Variants in WNT3 observed in about 807,000 individuals in gnomAD.
The protein encoded by WNT3 is Wnt family member 3, also known as proto-oncogene Wnt-3.
In WNT3, 7 loss-of-function variants were observed where a neutral mutation model predicts 34.2. The observed-to-expected ratio is 0.20, with a 90% CI of 0.12 to 0.38. The LOEUF is 0.38. Among genes scored for constraint, WNT3 ranks in the 10% least tolerant of loss-of-function variants. The pLI, the probability that WNT3 is intolerant of heterozygous loss-of-function variation, is 1.00. For synonymous variants in WNT3, 212 were observed against 211.5 expected (o/e 1.00, Z -0.02); for missense variants, 267 against 499.8 (o/e 0.53, Z 4.44).
intron 1 of WNT3, among the ~76,000 whole-genome samples, chr17:46,811,326 A>G (rs2084272364): frequency 6.6e-6 from 1 of 152,178 alleles, no homozygotes; most frequent in South Asian, 2.1e-4. Flanking sequence ...GTATGGAAAC[A>G]GAATGGGGGC....
intron 4 of WNT3, among the ~76,000 whole-genome samples, chr17:46,765,474 A>G (rs2146365109): frequency 6.6e-6 from 1 of 152,378 alleles, no homozygotes; most frequent in South Asian, 2.1e-4. Flanking sequence ...CAAAGGAAGG[A>G]CACAAGCCAT....
intron 1 of WNT3, among the ~76,000 whole-genome samples, chr17:46,809,773 C>T (rs1357570991): frequency 3.9e-5 from 6 of 152,030 alleles, no homozygotes; most frequent in African/African-American, 1.4e-4. Flanking sequence ...GGGTATGCCC[C>T]GTGACCAGTT....
chr17:46,794,219 AG>A (rs2084024179), intron 1 of WNT3, among the ~76,000 whole-genome samples: 2 of 152,120 alleles, frequency 1.3e-5, no homozygotes, highest in African/African-American at 4.8e-5. Context: ...GAAAAGGAAG[AG>A]GATGGGCATT....
At chr17:46,803,681 C>G (rs1039571283) in intron 1 of WNT3, among the ~76,000 whole-genome samples, 4 of 152,240 alleles carry the variant, frequency 2.6e-5, no homozygotes, top group African/African-American at 7.2e-5. Flanking sequence ...CTGCCCATCC[C>G]TTCTGCATCC....
At chr17:46,796,214 G>A (rs8076929) in intron 1 of WNT3, among the ~76,000 whole-genome samples, 20,520 of 152,184 alleles carry the variant, frequency 0.13, 1,651 homozygotes, top group African/African-American at 0.22. Context: ...AAGAGGCTGC[G>A]GGGAGGAAGA....
chr17:46,816,178 AAC>A (rs1213638351), intron 1 of WNT3, among the ~76,000 whole-genome samples: 1 of 125,478 alleles, frequency 8.0e-6, no homozygotes, highest in Non-Finnish European at 1.7e-5. Context: ...CCCAGTCATG[AAC>A]ACAGTCAAGC....
intron 1 of WNT3, among the ~76,000 whole-genome samples, chr17:46,801,975 T>A (rs1431577658): frequency 6.6e-6 from 1 of 152,234 alleles, no homozygotes; most frequent in African/African-American, 2.4e-5. Flanking sequence ...TTGAAAAGTT[T>A]CATGCCAGGT....
intron 1 of WNT3, among the ~76,000 whole-genome samples, chr17:46,807,023 G>C (rs1179949888): frequency 6.6e-6 from 1 of 152,214 alleles, no homozygotes; most frequent in East Asian, 1.9e-4. Flanking sequence ...AAGGGAGCCA[G>C]GGGTAGGGGT....
intron 1 of WNT3, among the ~76,000 whole-genome samples, chr17:46,814,209 A>G (rs75398055): frequency 4.6e-5 from 7 of 152,114 alleles, no homozygotes; most frequent in Non-Finnish European, 1.0e-4. Context: ...CTGTTGACAA[A>G]ATGCTCTGAG....
chr17:46,774,211 G>C (rs1042535004), intron 1 of WNT3, among the ~76,000 whole-genome samples: 1 of 152,262 alleles, frequency 6.6e-6, no homozygotes, highest in African/African-American at 2.4e-5. Flanking sequence ...TAGAAAGATG[G>C]TATTTGGGGC....
intron 1 of WNT3, among the ~76,000 whole-genome samples, chr17:46,781,779 G>A (rs2059463594): frequency 1.3e-5 from 2 of 152,160 alleles, no homozygotes; most frequent in African/African-American, 4.8e-5. Flanking sequence ...CTTCAACTTC[G>A]CATCTAGAGC....
intron 4 of WNT3, among the ~76,000 whole-genome samples, 177 bp from the exon 5 acceptor site, chr17:46,764,798 G>A (rs529894831): frequency 6.6e-6 from 1 of 152,358 alleles, no homozygotes; most frequent in East Asian, 1.9e-4. Flanking sequence ...TGCTGTTGAG[G>A]GAGGTCGTAT....
At chr17:46,811,396 G>C (rs1379456263) in intron 1 of WNT3, among the ~76,000 whole-genome samples, 1 of 152,178 alleles carries the variant, frequency 6.6e-6, no homozygotes, top group Non-Finnish European at 1.5e-5. Flanking sequence ...GTGACTCTCT[G>C]AGATATTAGT....
intron 1 of WNT3, among the ~76,000 whole-genome samples, chr17:46,787,718 C>T (rs1232054912): frequency 6.6e-6 from 1 of 152,212 alleles, no homozygotes; most frequent in African/African-American, 2.4e-5. Flanking sequence ...CTTTGGGAGG[C>T]CAAGGCAGGC....
intron 1 of WNT3, among the ~76,000 whole-genome samples, chr17:46,800,180 G>A (rs763188694): frequency 4.0e-5 from 6 of 151,884 alleles, no homozygotes; most frequent in Non-Finnish European, 7.4e-5. Context: ...GCGCGATCTC[G>A]GCTCACTGCA....
chr17:46,765,654 C>T (rs761770183), intron 4 of WNT3, among the ~76,000 whole-genome samples: 3 of 152,256 alleles, frequency 2.0e-5, no homozygotes, highest in Non-Finnish European at 4.4e-5. Flanking sequence ...TCTTGCCTAG[C>T]GGAGTCTCGG....
intron 1 of WNT3, among the ~76,000 whole-genome samples, chr17:46,793,348 T>C (rs918653348): frequency 1.4e-5 from 2 of 146,814 alleles, no homozygotes; most frequent in South Asian, 2.2e-4. Context: ...AGCATGTTCA[T>C]GGAAGGCTAA....
At chr17:46,770,183 G>A in intron 2 of WNT3, 135 bp from the exon 3 acceptor site, 2 of 1,235,506 alleles carry the variant, frequency 1.6e-6, no homozygotes, top group South Asian at 1.6e-5. Flanking sequence ...TGAGGCAAGA[G>A]GGAGGCAGCT....
At chr17:46,816,765 G>A (rs979730632) in intron 1 of WNT3, among the ~76,000 whole-genome samples, 1 of 152,144 alleles carries the variant, frequency 6.6e-6, no homozygotes, top group African/African-American at 2.4e-5. Context: ...CTCAGTCCCT[G>A]CCACCTATGG....
Sources: allele counts gnomAD v4.1 joint callset (sites outside exome capture counted in the v4.1 genomes callset), GRCh38; gene constraint gnomAD v4.1.1; transcripts MANE v1.5; gene names NCBI Gene and HGNC (gene_info 2026-07-23, HGNC 2026-07-21).